Variants in EZH2 observed in about 807,000 individuals in gnomAD.
EZH2 encodes histone-lysine N-methyltransferase EZH2.
Under a neutral mutation model 98.4 loss-of-function variants are expected in EZH2, and 18 were observed. That is an observed-to-expected ratio of 0.18 (90% CI 0.13 to 0.27). EZH2 has a LOEUF of 0.27. Among genes scored for constraint, EZH2 ranks in the 10% least tolerant of loss-of-function variants. The pLI, the probability that EZH2 is intolerant of heterozygous loss-of-function variation, is 1.00. For synonymous variants in EZH2, 338 were observed against 312.3 expected (o/e 1.08, Z -0.87); for missense variants, 470 against 935.1 (o/e 0.50, Z 6.49).
chr7:148,808,883 CA>C lies in EZH2; in HGVS notation c.2195+187del, dbSNP rs1802276865. Reference sequence around the variant, plus strand: ...GATTTTACTCTATTTTAAAAATAAGCATGCCTTGTATAATATATAAATGGAT... The same window carrying C: ...GATTTTACTCTATTTTAAAAATAAGCTGCCTTGTATAATATATAAATGGAT... On this transcript the variant is annotated intron_variant, in intron 19 of 19. Transcript: ENST00000320356. Among the ~76,000 whole-genome samples the C allele has an allele frequency of 3.3e-5, 5 of 152,122 alleles. No individual in the cohort carries two copies. The South Asian group carries it at 1.0e-3, about 32-fold the overall frequency.
intron 3 of EZH2, among the ~76,000 whole-genome samples, chr7:148,837,296 T>C (rs111811485): frequency 3.2e-4 from 49 of 152,154 alleles, no homozygotes; most frequent in South Asian, 2.1e-4. Context: ...GCCAGAGACA[T>C]AGTAAACTGT....
intron 7 of EZH2, 27 bp downstream of exon 7, chr7:148,827,137 G>C: frequency 6.3e-7 from 1 of 1,576,226 alleles, no homozygotes; most frequent in Non-Finnish European, 8.7e-7. Flanking sequence ...TACAGGGCAA[G>C]ATTGCCTCAA....
intron 1 of EZH2, among the ~76,000 whole-genome samples, chr7:148,880,699 C>A (rs1481886392): frequency 1.3e-5 from 2 of 152,218 alleles, no homozygotes; most frequent in Non-Finnish European, 2.9e-5. Flanking sequence ...CACATGAATA[C>A]TAACATATCC....
intron 1 of EZH2, among the ~76,000 whole-genome samples, chr7:148,851,709 A>C (rs1174512543): frequency 6.6e-6 from 1 of 152,168 alleles, no homozygotes; most frequent in Non-Finnish European, 1.5e-5. Context: ...AAATCAATAA[A>C]TAAGCAAGCA....
chr7:148,826,168 G>A (rs552002477), intron 8 of EZH2, among the ~76,000 whole-genome samples: 29 of 151,094 alleles, frequency 1.9e-4, no homozygotes, highest in African/African-American at 5.8e-4. Flanking sequence ...CATAATAATA[G>A]TTTTATTGTA....
rs961592515 is a variant in EZH2 at position 148,824,450 on chromosome 7, T to C, written c.907+2004A>G. Reference sequence around the variant, plus strand: ...GTATTTTTACTGTATATTTTCTATGTTTATTATGATTTAAACATACAAATA... The same window carrying C: ...GTATTTTTACTGTATATTTTCTATGCTTATTATGATTTAAACATACAAATA... On this transcript the variant is annotated intron_variant, in intron 8 of 19. Transcript: ENST00000320356. Among the ~76,000 whole-genome samples, 16 of 152,328 alleles carry C rather than the reference T, an allele frequency of 1.1e-4. 1 individual carries two copies. Among genetic ancestry groups the C allele is most frequent in the African/African-American group, 3.8e-4 (16 of 41,568 alleles).
At chr7:148,820,190 C>CAAT (rs986563775) in intron 8 of EZH2, among the ~76,000 whole-genome samples, 6 of 152,110 alleles carry the variant, frequency 3.9e-5, no homozygotes, top group Non-Finnish European at 7.4e-5. Context: ...GAATCATACC[C>CAAT]AATCCAAGAA....
At chr7:148,836,896 A>T (rs1338552132) in intron 3 of EZH2, 1 of 512,472 alleles carries the variant, frequency 2.0e-6, no homozygotes, top group Admixed American at 2.3e-5. Context: ...AGCCAAAAAT[A>T]GTAGTTGTAG....
chr7:148,829,750 A>T lies in EZH2; in HGVS notation c.462T>A (p.Asp154Glu). Residue 154 changes from aspartate (D) to glutamate (E), a missense_variant, in exon 5 of 20, where the codon GAT becomes GAA. This residue lies in a region of EZH2 where 21 missense variants were observed against 84.2 expected (regional missense o/e 0.25). Coordinates refer to ENST00000320356, the MANE Select transcript of EZH2 (RefSeq NM_004456.5). ...CACCTCTATCCCCGTGTACTTTCCCATCATAATTTTTTATTAGTTCTTCAA... is the reference window on the plus strand; with the variant it reads ...CACCTCTATCCCCGTGTACTTTCCCTTCATAATTTTTTATTAGTTCTTCAA... ...TFIEELIKNY[D>E]GKVHGDRECG... 1 of 1,610,810 alleles carries T rather than the reference A, an allele frequency of 6.2e-7. No homozygotes were observed. The highest frequency in any genetic ancestry group is 8.5e-7 in the Non-Finnish European group (1 of 1,178,970).
At chr7:148,822,170 T>C (rs1441915752) in intron 8 of EZH2, among the ~76,000 whole-genome samples, 1 of 152,168 alleles carries the variant, frequency 6.6e-6, no homozygotes, top group Non-Finnish European at 1.5e-5. Flanking sequence ...CGCTTTATAA[T>C]CTTGGAATGG....
chr7:148,813,264 A>G (rs771773559), intron 15 of EZH2, among the ~76,000 whole-genome samples: 6 of 152,060 alleles, frequency 3.9e-5, no homozygotes, highest in Non-Finnish European at 8.8e-5. Context: ...CTATTTTTAC[A>G]TGCTTAATAA....
At chr7:148,824,799 C>G (rs964450132) in intron 8 of EZH2, among the ~76,000 whole-genome samples, 3 of 152,130 alleles carry the variant, frequency 2.0e-5, no homozygotes, top group Admixed American at 2.0e-4. Flanking sequence ...GACACTGGCT[C>G]TACTGTAAAA....
chr7:148,862,300 G>A (rs1817788573), intron 1 of EZH2, among the ~76,000 whole-genome samples: 1 of 152,084 alleles, frequency 6.6e-6, no homozygotes. Context: ...AAAAAGTACT[G>A]GTCCACTGAG....
At chr7:148,838,920 T>G (rs1477647488) in intron 3 of EZH2, among the ~76,000 whole-genome samples, 3 of 152,022 alleles carry the variant, frequency 2.0e-5, no homozygotes, top group African/African-American at 7.3e-5. Flanking sequence ...GGTGTGGTGG[T>G]GCATGCCTGT....
intron 4 of EZH2, 62 bp downstream of exon 4, chr7:148,832,572 C>T: frequency 3.4e-6 from 3 of 884,510 alleles, no homozygotes; most frequent in Non-Finnish European, 5.3e-6. Context: ...ATAAAATTAT[C>T]TATGCTTTTT....
At chr7:148,831,293 C>A (rs1034583078) in intron 4 of EZH2, among the ~76,000 whole-genome samples, 15 of 152,184 alleles carry the variant, frequency 9.9e-5, no homozygotes, top group African/African-American at 3.6e-4. Flanking sequence ...TATTCAAATT[C>A]AAGCTTATGT....
intron 3 of EZH2, among the ~76,000 whole-genome samples, chr7:148,843,583 G>GTTTTTTT (rs1157236882): frequency 4.7e-5 from 3 of 64,340 alleles, no homozygotes; most frequent in African/African-American, 2.1e-4. Flanking sequence ...GGGAGTATAA[G>GTTTTTTT]TTTTTTTTTT....
intron 1 of EZH2, among the ~76,000 whole-genome samples, chr7:148,871,173 C>A (rs1345828569): frequency 6.6e-6 from 1 of 151,898 alleles, no homozygotes; most frequent in African/African-American, 2.4e-5. Flanking sequence ...TTGGCCACTA[C>A]CAAAAGAAAC....
chr7:148,829,989 A>G lies in EZH2; in HGVS notation c.364-141T>C, dbSNP rs943402455. 16 of 529,644 alleles carry G rather than the reference A, an allele frequency of 3.0e-5. 2 individuals carry two copies. The Admixed American group carries it at 4.7e-4, about 16-fold the overall frequency. 32.8% of individuals were successfully genotyped at this position (529,644 alleles called of 1,614,324 possible). ...AAATACTAGTCAGAGAGCAAACTCT[A>G]AAATTTATCAAAAAATAAAAGACCC... is the stretch of plus-strand genomic sequence containing the variant. On this transcript the variant is annotated intron_variant, in intron 4 of 19. Coordinates refer to ENST00000320356, the MANE Select transcript of EZH2 (RefSeq NM_004456.5).
Sources: allele counts gnomAD v4.1 joint callset (sites outside exome capture counted in the v4.1 genomes callset), GRCh38; gene constraint gnomAD v4.1.1; regional missense constraint gnomAD v4.1.1; transcripts MANE v1.5; gene names NCBI Gene and HGNC (gene_info 2026-07-23, HGNC 2026-07-21).